The following FRMD5 variants were observed in gnomAD, a reference collection of about 807,000 sequenced individuals.
FRMD5 encodes FERM domain containing 5, also known as FERM domain-containing protein 5.
Under a neutral mutation model 69.0 loss-of-function variants are expected in FRMD5, and 20 were observed. That is an observed-to-expected ratio of 0.29 (90% CI 0.20 to 0.42). FRMD5 has a LOEUF of 0.42. Ranked by LOEUF, FRMD5 falls within the 10% of genes least tolerant of loss-of-function variation. FRMD5 has a pLI of 1.00. For synonymous variants in FRMD5, 271 were observed against 260.1 expected (o/e 1.04, Z -0.40); for missense variants, 595 against 708.6 (o/e 0.84, Z 1.82).
intron 1 of FRMD5, among the ~76,000 whole-genome samples, chr15:44,140,822 GCAAT>G (rs1185108396): frequency 8.1e-6 from 1 of 123,982 alleles, no homozygotes; most frequent in Non-Finnish European, 1.6e-5. Context: ...GATCGAGGCT[GCAAT>G]GATCCAAGAT....
chr15:44,011,966 G>C (rs1455317601), intron 1 of FRMD5, among the ~76,000 whole-genome samples: 1 of 152,178 alleles, frequency 6.6e-6, no homozygotes, highest in Non-Finnish European at 1.5e-5. Context: ...CAGCTAAAGA[G>C]GGAACAAATG....
intron 1 of FRMD5, among the ~76,000 whole-genome samples, chr15:44,121,534 T>C (rs1390166672): frequency 6.6e-6 from 1 of 151,972 alleles, no homozygotes; most frequent in African/African-American, 2.4e-5. Context: ...CCCCAATGAG[T>C]AGACAGAGTC....
chr15:43,896,388 T>C (rs936231308), intron 7 of FRMD5, among the ~76,000 whole-genome samples: 9 of 152,206 alleles, frequency 5.9e-5, no homozygotes, highest in African/African-American at 2.2e-4. Flanking sequence ...AAATACTACT[T>C]CCATCTGATT....
intron 1 of FRMD5, among the ~76,000 whole-genome samples, chr15:44,151,991 C>T (rs1180076357): frequency 6.6e-6 from 1 of 152,176 alleles, no homozygotes; most frequent in African/African-American, 2.4e-5. Flanking sequence ...GGGCAGGTCA[C>T]TTGAGGTCAG....
chr15:44,196,466 A>C (rs567507467), upstream of FRMD5, among the ~76,000 whole-genome samples: 19 of 145,374 alleles, frequency 1.3e-4, no homozygotes, highest in African/African-American at 4.8e-4. Context: ...CCACCGTCTC[A>C]AAAAAAAAAA....
intron 1 of FRMD5, among the ~76,000 whole-genome samples, chr15:43,927,288 C>A (rs1354565869): frequency 3.9e-5 from 6 of 152,230 alleles, no homozygotes; most frequent in African/African-American, 1.4e-4. Context: ...CTCCCCCAGC[C>A]CACTGGTATC....
intron 1 of FRMD5, among the ~76,000 whole-genome samples, chr15:44,043,302 A>G (rs113627190): frequency 6.6e-6 from 1 of 152,242 alleles, no homozygotes; most frequent in Non-Finnish European, 1.5e-5. Flanking sequence ...AAAACATTCC[A>G]TGCTCATGGA....
At chr15:44,076,061 A>G (rs1893748835) in intron 1 of FRMD5, among the ~76,000 whole-genome samples, 1 of 152,130 alleles carries the variant, frequency 6.6e-6, no homozygotes, top group Non-Finnish European at 1.5e-5. Context: ...GATTCTGGAT[A>G]TTAGCCCTTT....
intron 1 of FRMD5, among the ~76,000 whole-genome samples, chr15:44,108,192 C>T (rs967133952): frequency 1.5e-4 from 23 of 152,266 alleles, no homozygotes; most frequent in East Asian, 5.8e-4. Context: ...AAAATACTTA[C>T]TGTCTGGACT....
At chr15:44,165,492 CA>C (rs1318137538) in intron 1 of FRMD5, among the ~76,000 whole-genome samples, 1 of 152,108 alleles carries the variant, frequency 6.6e-6, no homozygotes, top group African/African-American at 2.4e-5. Context: ...AGAACTCCAA[CA>C]CAATAAGACA....
chr15:43,881,665 C>T (rs536943871), intron 13 of FRMD5, among the ~76,000 whole-genome samples: 4 of 152,300 alleles, frequency 2.6e-5, no homozygotes, highest in South Asian at 2.1e-4. Flanking sequence ...CAAGTACTTC[C>T]GCACATATTA....
Position 43,901,913 on chromosome 15 carries a change from T to C in FRMD5, c.639+262A>G, listed in dbSNP as rs192982383. The C allele has an allele frequency of 4.2e-4, 187 of 440,596 alleles. 1 individual carries two copies. The highest frequency in any genetic ancestry group is 4.2e-3 in the East Asian group (97 of 23,160). The allele number at this position is 440,596 out of a possible 1,614,324, so 27.3% of individuals were successfully genotyped here. ...CCCTCCTCTCTTCATTTCTACCAAA[T>C]TACCCATTGCGGGGCCCTAGCTTTG... On this transcript the variant is annotated intron_variant, in intron 7 of 13. Coordinates refer to ENST00000417257, the MANE Select transcript of FRMD5 (RefSeq NM_032892.5).
intron 1 of FRMD5, among the ~76,000 whole-genome samples, chr15:43,973,526 C>G (rs1184358839): frequency 6.6e-6 from 1 of 151,664 alleles, no homozygotes; most frequent in Non-Finnish European, 1.5e-5. Context: ...CACCACCACA[C>G]CCAGCTAGTT....
intron 1 of FRMD5, among the ~76,000 whole-genome samples, chr15:44,150,110 T>A (rs2077419976): frequency 6.6e-6 from 1 of 152,164 alleles, no homozygotes. Context: ...AATCAACAGC[T>A]TTTTGTGATA....
intron 1 of FRMD5, among the ~76,000 whole-genome samples, chr15:44,119,376 G>A (rs1327525430): frequency 6.6e-6 from 1 of 152,112 alleles, no homozygotes; most frequent in Admixed American, 6.6e-5. Flanking sequence ...GGTAAGCAAG[G>A]CTACTGACTT....
At chr15:44,131,288 A>C (rs2140419512) in intron 1 of FRMD5, among the ~76,000 whole-genome samples, 1 of 152,360 alleles carries the variant, frequency 6.6e-6, no homozygotes, top group Non-Finnish European at 1.5e-5. Context: ...TTATCAAAAA[A>C]ACAAAAAATA....
rs201276034 is a variant in FRMD5 at position 43,874,029 on chromosome 15, G to A, written c.1569C>T (p.Thr523=). 1.3e-5 allele frequency: 21 copies of A among 1,614,210 alleles called. No individual in the cohort carries two copies. In the East Asian group the frequency reaches 1.8e-4, roughly 14 times the overall value. Residue 523 remains threonine (T), a synonymous_variant, in exon 14 of 14, where the codon ACC becomes ACT. Transcript: ENST00000417257. The stretch of plus-strand genomic sequence containing the variant: ...AAAAGGCAATGTCAAGGTCAGACTC[G>A]GTAAGGATGATCAGGAGGAGGAGCA... ...FVLLLLLIIL[T]ESDLDIAFFR... is the part of the protein sequence containing the mutation.
chr15:43,946,617 G>A (rs1315617518), intron 1 of FRMD5, among the ~76,000 whole-genome samples: 1 of 152,158 alleles, frequency 6.6e-6, no homozygotes, highest in Non-Finnish European at 1.5e-5. Context: ...GGAGGGAAAG[G>A]AAGTAGAGGA....
chr15:44,159,765 G>T (rs774866352), intron 1 of FRMD5, among the ~76,000 whole-genome samples: 1 of 152,214 alleles, frequency 6.6e-6, no homozygotes, highest in Non-Finnish European at 1.5e-5. Context: ...CATTTCTTAA[G>T]TGGATCTGTG....
Sources: allele counts gnomAD v4.1 joint callset (sites outside exome capture counted in the v4.1 genomes callset), GRCh38; gene constraint gnomAD v4.1.1; transcripts MANE v1.5; gene names NCBI Gene and HGNC (gene_info 2026-07-23, HGNC 2026-07-21).